THRAP3: variants seen among roughly 807,000 people sequenced by gnomAD.
The protein encoded by THRAP3 is thyroid hormone receptor-associated protein 3.
Under a neutral mutation model 101.0 loss-of-function variants are expected in THRAP3, and 16 were observed. That is an observed-to-expected ratio of 0.16 (90% CI 0.11 to 0.24). The LOEUF (loss-of-function observed/expected upper bound fraction) is 0.24, where lower values mean the gene tolerates loss of function less well. Among genes scored for constraint, THRAP3 ranks in the 10% least tolerant of loss-of-function variants. The pLI is 1.00. For synonymous variants in THRAP3, 407 were observed against 422.6 expected, an observed-to-expected ratio of 0.96 and a Z score of 0.45; for missense variants, 989 against 1,202.7, an observed-to-expected ratio of 0.82 and a Z score of 2.63.
intron 2 of THRAP3, among the ~76,000 whole-genome samples, chr1:36,260,285 A>G (rs930598842): frequency 1.2e-4 from 19 of 152,096 alleles, no homozygotes; most frequent in Admixed American, 1.0e-3. Context: ...TTGCAAAAAC[A>G]CTATAGTAGA....
At chr1:36,254,695 A>G (rs530093765) in intron 1 of THRAP3, among the ~76,000 whole-genome samples, 2 of 152,316 alleles carry the variant, frequency 1.3e-5, no homozygotes, top group South Asian at 2.1e-4. Context: ...GGGTGTGTAA[A>G]TTGGAATTTC....
intron 1 of THRAP3, among the ~76,000 whole-genome samples, chr1:36,235,306 A>G (rs7544556): frequency 0.88 from 134,229 of 152,124 alleles, 61,665 homozygotes; most frequent in Non-Finnish European, 1. Flanking sequence ...AAGAAGATAG[A>G]TTGTTTGGTA....
rs1487769491 is a variant in THRAP3, at chr1:36,231,230, A to G, written c.-135+6725A>G. Among the ~76,000 whole-genome samples, 7 of 152,162 alleles carry G rather than the reference A, an allele frequency of 4.6e-5. 1 individual carries two copies. Among genetic ancestry groups the G allele is most frequent in the Admixed American group, 4.6e-4 (7 of 15,266 alleles). Reference sequence around the variant, plus strand: ...AAAAAAGATTTTAGGCAGCTTTGAAAGATGGAGTTGAAGCAATGCAGGGGG... The same window carrying G: ...AAAAAAGATTTTAGGCAGCTTTGAAGGATGGAGTTGAAGCAATGCAGGGGG... On this transcript the variant is annotated intron_variant, in intron 1 of 11. Coordinates refer to ENST00000354618, the MANE Select transcript of THRAP3 (RefSeq NM_005119.4).
intron 2 of THRAP3, among the ~76,000 whole-genome samples, chr1:36,279,517 A>G (rs529762504): frequency 6.6e-6 from 1 of 152,330 alleles, no homozygotes; most frequent in East Asian, 1.9e-4. Flanking sequence ...TTACTCCTTT[A>G]TTCTGACTTC....
At chr1:36,222,689 G>A (rs2124302833), upstream of THRAP3, among the ~76,000 whole-genome samples, 1 of 152,320 alleles carries the variant, frequency 6.6e-6, no homozygotes, top group South Asian at 2.1e-4. Context: ...GATTACCGGC[G>A]TGAGCCACCG....
the THRAP3 span, among the ~76,000 whole-genome samples, chr1:36,216,383 G>A: frequency 6.6e-6 from 1 of 151,522 alleles, no homozygotes; most frequent in Non-Finnish European, 1.5e-5. Context: ...AGCTGTGTTT[G>A]GTGGCGTGTA....
intron 1 of THRAP3, among the ~76,000 whole-genome samples, chr1:36,231,852 A>G (rs1262272617): frequency 6.6e-6 from 1 of 152,198 alleles, no homozygotes; most frequent in East Asian, 1.9e-4. Flanking sequence ...CGGCTATCAG[A>G]AAAAAACTTT....
chr1:36,251,784 A>G (rs1228475485), intron 1 of THRAP3, among the ~76,000 whole-genome samples: 1 of 152,198 alleles, frequency 6.6e-6, no homozygotes, highest in Non-Finnish European at 1.5e-5. Context: ...TGAGAACTTT[A>G]TACATATATT....
At chr1:36,294,178 G>A (rs1239989574) in intron 8 of THRAP3, 14 of 1,258,354 alleles carry the variant, frequency 1.1e-5, no homozygotes, top group East Asian at 3.1e-5. Flanking sequence ...AGAAAAAAAA[G>A]AGAGGAGTTT....
rs532350770 is a variant in THRAP3 at position 36,262,111 on chromosome 1, A to AT, written c.-32+2628dup. Among the ~76,000 whole-genome samples the AT allele has an allele frequency of 3.0e-3, 460 of 152,332 alleles. 4 individuals carry two copies. Among genetic ancestry groups the AT allele is most frequent in the Non-Finnish European group, 5.4e-3 (365 of 68,026 alleles). On this transcript the variant is annotated intron_variant, in intron 2 of 11. Coordinates refer to ENST00000354618, the MANE Select transcript of THRAP3 (RefSeq NM_005119.4). ...AAAACAGATGAAATAAATTTGAACG[A>AT]TATGTTTTATATAATTCAATATATC...
chr1:36,263,078 G>A (rs1330564478), intron 2 of THRAP3, among the ~76,000 whole-genome samples: 2 of 144,852 alleles, frequency 1.4e-5, no homozygotes, highest in Non-Finnish European at 3.0e-5. Flanking sequence ...CCAAAGTGTT[G>A]GGATTACAGG....
chr1:36,272,250 T>A (rs1645601634), intron 2 of THRAP3, among the ~76,000 whole-genome samples: 3 of 152,170 alleles, frequency 2.0e-5, no homozygotes, highest in African/African-American at 7.2e-5. Context: ...CACCCCCACT[T>A]TTTAGGAGAG....
intron 1 of THRAP3, among the ~76,000 whole-genome samples, chr1:36,257,954 C>T (rs1645396597): frequency 2.6e-5 from 4 of 152,202 alleles, no homozygotes; most frequent in African/African-American, 9.6e-5. Flanking sequence ...GATTCTCCTG[C>T]CTCAGCCTCC....
intron 1 of THRAP3, among the ~76,000 whole-genome samples, chr1:36,239,188 G>A (rs1474929726): frequency 1.3e-5 from 2 of 151,174 alleles, no homozygotes; most frequent in Admixed American, 1.3e-4. Flanking sequence ...ACAGGTGTGA[G>A]CCACCATGCC....
chr1:36,242,435 G>C (rs910378241), intron 1 of THRAP3, among the ~76,000 whole-genome samples: 6 of 149,696 alleles, frequency 4.0e-5, no homozygotes, highest in Non-Finnish European at 8.9e-5. Flanking sequence ...TTACAGGTGC[G>C]AGCCGTCTGT....
At chr1:36,232,478 C>A (rs1044318862) in intron 1 of THRAP3, among the ~76,000 whole-genome samples, 2 of 152,154 alleles carry the variant, frequency 1.3e-5, no homozygotes, top group Non-Finnish European at 2.9e-5. Flanking sequence ...CCTCCCCAAC[C>A]CTACATTATT....
intron 2 of THRAP3, among the ~76,000 whole-genome samples, chr1:36,271,837 G>T (rs1306155460): frequency 6.6e-6 from 1 of 151,604 alleles, no homozygotes; most frequent in Non-Finnish European, 1.5e-5. Flanking sequence ...CAGGTGATCA[G>T]CCCGCCTCGG....
At chr1:36,231,082 T>C (rs561856826) in intron 1 of THRAP3, among the ~76,000 whole-genome samples, 3 of 152,350 alleles carry the variant, frequency 2.0e-5, no homozygotes, top group African/African-American at 7.2e-5. Flanking sequence ...TTATTACCTG[T>C]TCTGGATATA....
chr1:36,220,972 AATATATAT>A (rs1228406695), upstream of THRAP3, among the ~76,000 whole-genome samples: 11 of 94,122 alleles, frequency 1.2e-4, no homozygotes, highest in East Asian at 5.5e-4. Flanking sequence ...AAAAAAAAAA[AATATATAT>A]ATATATATAT....
Sources: gnomAD v4.1 joint callset for allele counts (sites outside exome capture counted in the v4.1 genomes callset) on GRCh38, gnomAD v4.1.1 for gene constraint, MANE v1.5 for transcripts, NCBI Gene and HGNC (gene_info 2026-07-23, HGNC 2026-07-21) for gene names.